EPC2: variants seen among roughly 807,000 people sequenced by gnomAD.
EPC2 encodes the protein enhancer of polycomb 2, also known as enhancer of polycomb homolog 2.
EPC2 carries 14 observed loss-of-function variants against 92.1 expected under a neutral mutation model. The ratio of observed to expected loss-of-function variants is 0.15; its 90% CI spans 0.10 to 0.24. The LOEUF (loss-of-function observed/expected upper bound fraction) is 0.24, where lower values mean the gene tolerates loss of function less well. Ranked by LOEUF, EPC2 falls within the 10% of genes least tolerant of loss-of-function variation. The probability of loss-of-function intolerance (pLI) is 1.00; values close to 1 mark genes in which losing one functional copy is unlikely to be tolerated. For synonymous variants in EPC2, 340 were observed against 334.7 expected (o/e 1.02, Z -0.17); for missense variants, 755 against 971.5 (o/e 0.78, Z 2.96).
chr2:148,685,788 A>G (rs1187456199), intron 1 of EPC2, among the ~76,000 whole-genome samples: 4 of 152,218 alleles, frequency 2.6e-5, no homozygotes, highest in South Asian at 2.1e-4. Flanking sequence ...ATAAAAAAAT[A>G]AAAGTTATGC....
intron 2 of EPC2, among the ~76,000 whole-genome samples, chr2:148,702,912 G>C (rs1428208728): frequency 1.3e-5 from 2 of 151,862 alleles, no homozygotes; most frequent in African/African-American, 4.8e-5. Flanking sequence ...TCTTCTTCCA[G>C]TGTGGCACAG....
chr2:148,787,025 AT>A lies in EPC2; in HGVS notation c.*652del, dbSNP rs1683881680. The stretch of plus-strand genomic sequence containing the variant: ...AATGTAGTAACTCACTTTTCCATAT[AT>A]TTTGAATGTATATTTCTATTTATGA... On this transcript the variant is annotated 3_prime_UTR_variant, in exon 14 of 14. Coordinates refer to ENST00000258484, the MANE Select transcript of EPC2 (RefSeq NM_015630.4). 6.6e-6 allele frequency: 1 copy of A among 152,642 alleles called. No individual in the cohort carries two copies. The highest frequency in any genetic ancestry group is 1.5e-5 in the Non-Finnish European group (1 of 68,046). 9.5% of individuals were successfully genotyped at this position (152,642 alleles called of 1,614,324 possible). A position where few individuals can be genotyped will look rare whatever the true frequency, so the allele number is the denominator to read the frequency against.
chr2:148,681,205 T>C (rs1681385710), intron 1 of EPC2, among the ~76,000 whole-genome samples: 1 of 152,222 alleles, frequency 6.6e-6, no homozygotes, highest in African/African-American at 2.4e-5. Flanking sequence ...AAACGTCCAC[T>C]TCTGAGAAGC....
In EPC2 at chr2:148,786,412, G is replaced by A. The variant is rs370575562; in HGVS notation, c.*35G>A. 13 of 1,544,378 alleles carry A rather than the reference G, an allele frequency of 8.4e-6. No individual in the cohort carries two copies. In the African/African-American group the frequency reaches 1.1e-4, roughly 13 times the overall value. On this transcript the variant is annotated 3_prime_UTR_variant, in exon 14 of 14. Transcript: ENST00000258484. ...CGTGGCTCTGACCTGTGCTGATGGT[G>A]TGCAGTCATTCATATTCCAGCTGAA...
intron 7 of EPC2, among the ~76,000 whole-genome samples, chr2:148,765,347 CT>C (rs1490256841): frequency 2.0e-5 from 3 of 152,076 alleles, no homozygotes. Context: ...AGAATTTACT[CT>C]TTTGTGGAGC....
At chr2:148,783,500 T>G in intron 11 of EPC2, 97 bp from the exon 12 acceptor site, 9 of 1,160,616 alleles carry the variant, frequency 7.8e-6, no homozygotes, top group Non-Finnish European at 1.1e-5. Flanking sequence ...TTGTTCAAGG[T>G]TAGAAAGGCA....
chr2:148,655,217 A>C (rs1450255488), intron 1 of EPC2, among the ~76,000 whole-genome samples: 8 of 152,336 alleles, frequency 5.3e-5, no homozygotes, highest in Admixed American at 2.6e-4. Flanking sequence ...TCTAGTTGGA[A>C]TAACCCCAAA....
chr2:148,681,016 C>T (rs951812620), intron 1 of EPC2, among the ~76,000 whole-genome samples: 4 of 152,132 alleles, frequency 2.6e-5, no homozygotes, highest in Admixed American at 1.3e-4. Context: ...AAAAATGAGA[C>T]TTTATCCTGT....
chr2:148,743,341 G>A (rs1055831844), intron 2 of EPC2, among the ~76,000 whole-genome samples: 12 of 152,068 alleles, frequency 7.9e-5, no homozygotes, highest in African/African-American at 2.7e-4. Context: ...ATGTCAACAT[G>A]TATATGTCAT....
rs112248685 is a variant in EPC2 at position 148,684,125 on chromosome 2, T to C, written c.154-6089T>C. On this transcript the variant is annotated intron_variant, in intron 1 of 13. Coordinates refer to ENST00000258484, the MANE Select transcript of EPC2 (RefSeq NM_015630.4). Reference sequence around the variant, plus strand: ...CACTGACGATTAGTGATGTTGAGCATTTTTTCATTGTTTGTTGGCCATTTA... The same window carrying C: ...CACTGACGATTAGTGATGTTGAGCACTTTTTCATTGTTTGTTGGCCATTTA... Among the ~76,000 whole-genome samples, 96 of 152,348 alleles carry C rather than the reference T, an allele frequency of 6.3e-4. 1 individual carries two copies. The highest frequency in any genetic ancestry group is 2.2e-3 in the African/African-American group (93 of 41,584).
At chr2:148,709,128 A>G (rs1682074503) in intron 2 of EPC2, among the ~76,000 whole-genome samples, 1 of 152,212 alleles carries the variant, frequency 6.6e-6, no homozygotes, top group African/African-American at 2.4e-5. Flanking sequence ...CCTTAAGCTA[A>G]TAAGCAACTT....
At chr2:148,731,392 A>G (rs1316380036) in intron 2 of EPC2, among the ~76,000 whole-genome samples, 3 of 152,150 alleles carry the variant, frequency 2.0e-5, no homozygotes, top group Admixed American at 6.5e-5. Context: ...AATAATTTCC[A>G]GAAGTAAATA....
intron 11 of EPC2, among the ~76,000 whole-genome samples, chr2:148,782,872 C>A (rs1304559833): frequency 1.3e-5 from 2 of 152,168 alleles, no homozygotes; most frequent in Admixed American, 1.3e-4. Flanking sequence ...AATTCTAAAA[C>A]CACTTCTAAA....
intron 2 of EPC2, among the ~76,000 whole-genome samples, chr2:148,697,970 A>G (rs1681785064): frequency 6.6e-6 from 1 of 151,830 alleles, no homozygotes. Flanking sequence ...AAAAAATAAG[A>G]TTTGCTTTCA....
intron 2 of EPC2, among the ~76,000 whole-genome samples, chr2:148,696,060 G>A (rs1681739908): frequency 6.6e-6 from 1 of 152,224 alleles, no homozygotes; most frequent in African/African-American, 2.4e-5. Context: ...CTTGGGCAAA[G>A]CTGTGAGTGT....
chr2:148,739,750 G>C (rs4972295), intron 2 of EPC2, among the ~76,000 whole-genome samples: 145,768 of 151,314 alleles, frequency 0.96, 70,435 homozygotes, highest in Middle Eastern at 1. Flanking sequence ...CTTCCTACTT[G>C]CTTTCTTCTT....
At chr2:148,768,412 A>G (rs1468798372) in intron 7 of EPC2, among the ~76,000 whole-genome samples, 2 of 152,206 alleles carry the variant, frequency 1.3e-5, no homozygotes, top group Non-Finnish European at 2.9e-5. Context: ...CTAGAAGTCC[A>G]CTCAATTACA....
chr2:148,718,000 C>G (rs1333274259), intron 2 of EPC2, among the ~76,000 whole-genome samples: 1 of 152,146 alleles, frequency 6.6e-6, no homozygotes, highest in African/African-American at 2.4e-5. Context: ...ATGTCATGCC[C>G]TTCGTTGTCT....
intron 2 of EPC2, among the ~76,000 whole-genome samples, chr2:148,714,489 C>G (rs1481799971): frequency 1.3e-5 from 2 of 152,328 alleles, no homozygotes; most frequent in Middle Eastern, 3.4e-3. Context: ...CATTGCCACA[C>G]TGTCTTCCAC....
Sources: gnomAD v4.1 joint callset for allele counts (sites outside exome capture counted in the v4.1 genomes callset) on GRCh38, gnomAD v4.1.1 for gene constraint, MANE v1.5 for transcripts, NCBI Gene and HGNC (gene_info 2026-07-23, HGNC 2026-07-21) for gene names.